Variants in MAD1L1 observed in about 807,000 individuals in gnomAD.
MAD1L1 encodes the protein mitotic spindle assembly checkpoint protein MAD1.
MAD1L1 carries 95 observed loss-of-function variants against 96.9 expected under a neutral mutation model. That is an observed-to-expected ratio of 0.98 (90% CI 0.83 to 1.16). MAD1L1 has a LOEUF of 1.16. Among genes scored for constraint, MAD1L1 ranks in the 50% most tolerant of loss-of-function variants. The pLI is 0.00. For missense variants in MAD1L1, 1,007 were observed against 954.4 expected (o/e 1.06, Z -0.73); for synonymous variants, 473 against 396.6 (o/e 1.19, Z -2.29).
intron 10 of MAD1L1, among the ~76,000 whole-genome samples, chr7:2,171,682 C>T (rs748698615): frequency 7.2e-5 from 11 of 151,914 alleles, no homozygotes; most frequent in Non-Finnish European, 1.0e-4. Flanking sequence ...TAGTCACCTC[C>T]GCCATGCAAA....
At chr7:1,940,996 C>CTCAGCCTCCTCTTCCTCCCCAGGCT (rs1778963792) in intron 16 of MAD1L1, among the ~76,000 whole-genome samples, 3 of 151,376 alleles carry the variant, frequency 2.0e-5, no homozygotes, top group South Asian at 2.1e-4. Flanking sequence ...TCTCCCAGGC[C>CTCAGCCTCCTCTTCCTCCCCAGGCT]TCAGCCTCCT....
chr7:2,082,712 C>T (rs770648426), intron 11 of MAD1L1, among the ~76,000 whole-genome samples: 29 of 152,230 alleles, frequency 1.9e-4, no homozygotes, highest in Non-Finnish European at 1.5e-4. Context: ...TGTGGCGTCT[C>T]TCTTTGGAAT....
At chr7:1,951,734 C>T (rs1779504502) in intron 16 of MAD1L1, among the ~76,000 whole-genome samples, 1 of 152,156 alleles carries the variant, frequency 6.6e-6, no homozygotes, top group Non-Finnish European at 1.5e-5. Context: ...TCAGCGTCCT[C>T]AGGTCCATCC....
At chr7:2,040,272 C>CGCTGCCT in intron 12 of MAD1L1, among the ~76,000 whole-genome samples, 1 of 152,344 alleles carries the variant, frequency 6.6e-6, no homozygotes, top group East Asian at 1.9e-4. Flanking sequence ...GTTTTGAAGA[C>CGCTGCCT]GCTGCCTGCT....
intron 11 of MAD1L1, among the ~76,000 whole-genome samples, chr7:2,095,755 G>A (rs1331640471): frequency 2.6e-5 from 4 of 152,254 alleles, no homozygotes; most frequent in South Asian, 2.1e-4. Flanking sequence ...ACGCAGGGAA[G>A]CCGTGAGGAG....
intron 17 of MAD1L1, among the ~76,000 whole-genome samples, chr7:1,910,450 G>T (rs966669908): frequency 6.6e-6 from 1 of 152,236 alleles, no homozygotes; most frequent in Non-Finnish European, 1.5e-5. Context: ...CCACCTCTGC[G>T]ATGCCAGCAC....
chr7:2,083,142 C>T (rs1343668393), intron 11 of MAD1L1, among the ~76,000 whole-genome samples: 1 of 152,234 alleles, frequency 6.6e-6, no homozygotes, highest in South Asian at 2.1e-4. Context: ...CCAAAGCATT[C>T]CCCGTGCTGA....
chr7:2,006,149 G>A (rs188828516), intron 13 of MAD1L1, among the ~76,000 whole-genome samples: 19 of 152,164 alleles, frequency 1.2e-4, no homozygotes, highest in Admixed American at 8.5e-4. Context: ...ACACGTGTGG[G>A]TGCTCCTAAG....
chr7:1,956,435 C>T (rs1271278525), intron 16 of MAD1L1, among the ~76,000 whole-genome samples: 2 of 152,314 alleles, frequency 1.3e-5, no homozygotes, highest in East Asian at 3.9e-4. Context: ...GAATCCTGGG[C>T]TAGGCTCGAG....
At chr7:1,878,283 G>A (rs1262911400) in intron 18 of MAD1L1, among the ~76,000 whole-genome samples, 2 of 151,786 alleles carry the variant, frequency 1.3e-5, no homozygotes, top group Admixed American at 1.3e-4. Flanking sequence ...CCAGAAAAAA[G>A]AGGAGGAGGG....
At chr7:2,118,503 G>A (rs1787824938) in intron 11 of MAD1L1, among the ~76,000 whole-genome samples, 1 of 152,278 alleles carries the variant, frequency 6.6e-6, no homozygotes, top group African/African-American at 2.4e-5. Flanking sequence ...AGCATCCGTA[G>A]TGCGTGGCAT....
At chr7:2,060,222 G>A (rs1307782570) in intron 12 of MAD1L1, among the ~76,000 whole-genome samples, 1 of 130,524 alleles carries the variant, frequency 7.7e-6, no homozygotes, top group African/African-American at 4.0e-5. Context: ...AAGTTACGCC[G>A]ATGCCGAGAT....
chr7:2,115,057 C>T (rs1787594188), intron 11 of MAD1L1, among the ~76,000 whole-genome samples: 1 of 152,208 alleles, frequency 6.6e-6, no homozygotes, highest in African/African-American at 2.4e-5. Flanking sequence ...CAGCTGGAGG[C>T]GCCAGCTCAG....
At chr7:2,131,972 A>C (rs1788529407) in intron 11 of MAD1L1, among the ~76,000 whole-genome samples, 1 of 152,170 alleles carries the variant, frequency 6.6e-6, no homozygotes, top group South Asian at 2.1e-4. Flanking sequence ...GGCTGGTGAA[A>C]GATGTGCCTC....
intron 16 of MAD1L1, among the ~76,000 whole-genome samples, chr7:1,937,267 TGAGACTGG>T (rs1303136019): frequency 6.6e-6 from 1 of 152,146 alleles, no homozygotes; most frequent in Non-Finnish European, 1.5e-5. Flanking sequence ...CTGGCTGGGA[TGAGACTGG>T]GAGCCCGTGT....
At chr7:2,140,486 G>A (rs973580316) in intron 11 of MAD1L1, among the ~76,000 whole-genome samples, 5 of 152,254 alleles carry the variant, frequency 3.3e-5, no homozygotes, top group South Asian at 4.1e-4. Flanking sequence ...GGGCAGGGAC[G>A]CCGAGTGACC....
chr7:1,835,500 G>A (rs1352671162), intron 18 of MAD1L1, among the ~76,000 whole-genome samples: 1 of 152,122 alleles, frequency 6.6e-6, no homozygotes, highest in East Asian at 1.9e-4. Context: ...CAAATGAATT[G>A]TTTTTATATA....
intron 16 of MAD1L1, among the ~76,000 whole-genome samples, chr7:1,942,068 G>A (rs142093046): frequency 5.3e-5 from 8 of 152,256 alleles, no homozygotes; most frequent in Non-Finnish European, 8.8e-5. Context: ...CCACGCGTTC[G>A]TTCCTGCCAT....
At chr7:2,212,910 A>G (rs192359445) in intron 10 of MAD1L1, among the ~76,000 whole-genome samples, 1 of 152,322 alleles carries the variant, frequency 6.6e-6, no homozygotes, top group East Asian at 1.9e-4. Context: ...TATACACCAA[A>G]AAGAGTCCTT....
Sources: gnomAD v4.1 joint callset for allele counts (sites outside exome capture counted in the v4.1 genomes callset) on GRCh38, gnomAD v4.1.1 for gene constraint, MANE v1.5 for transcripts, NCBI Gene and HGNC (gene_info 2026-07-23, HGNC 2026-07-21) for gene names.